The following AP3B1 variants were observed in gnomAD, a reference collection of about 807,000 sequenced individuals.
The protein encoded by AP3B1 is AP-3 complex subunit beta-1.
AP3B1 carries 61 observed loss-of-function variants against 132.5 expected under a neutral mutation model. That is an observed-to-expected ratio of 0.46 (90% CI 0.37 to 0.57). AP3B1 has a LOEUF of 0.57. AP3B1 is among the 20% of genes least tolerant of loss of function. AP3B1 has a pLI of 0.00. For missense variants in AP3B1, 1,120 were observed against 1,289.4 expected (o/e 0.87, Z 2.01); for synonymous variants, 388 against 438.3 (o/e 0.89, Z 1.43).
Position 78,011,614 on chromosome 5 carries a change from C to T in AP3B1, c.3131+3796G>A, listed in dbSNP as rs201736446. Among the ~76,000 whole-genome samples the T allele has an allele frequency of 3.9e-5, 6 of 152,078 alleles. No individual in the cohort carries two copies. The East Asian group carries it at 1.2e-3, about 29-fold the overall frequency. ...ACCTGTGCGCCTTTAATTGGCTTTT[C>T]TTAATGAGGGCCATTTTCTGTTGCT... is the stretch of plus-strand genomic sequence containing the variant. On this transcript the variant is annotated intron_variant, in intron 26 of 26. Transcript: ENST00000255194.
Position 78,181,618 on chromosome 5 carries a change from A to G in AP3B1, c.831T>C (p.Asp277=). 3 of 1,612,292 alleles carry G rather than the reference A, an allele frequency of 1.9e-6. No individual in the cohort carries two copies. The highest frequency in any genetic ancestry group is 2.2e-5 in the East Asian group (1 of 44,784). The change falls in exon 8 of 27, where the codon GAT becomes GAC. Residue 277 remains aspartate, a synonymous_variant. Transcript: ENST00000255194. ...TGTCAGTCTTTTCCTTCTGATCATC[A>G]TCAGATTCGTAGAAATTCTTTCCAT... ...EDNGKNFYES[D]DDQKEKTDKK...
At chr5:78,041,900 GC>G in intron 22 of AP3B1, 1 of 194,852 alleles carries the variant, frequency 5.1e-6, no homozygotes, top group Admixed American at 5.9e-5. Flanking sequence ...TCAGGCAGCT[GC>G]AGACTCTCCT....
chr5:78,189,258 T>A (rs749692487), intron 7 of AP3B1, among the ~76,000 whole-genome samples: 11 of 152,054 alleles, frequency 7.2e-5, no homozygotes, highest in South Asian at 2.1e-4. Context: ...TAAAAAAAAA[T>A]TTTTAAACTT....
chr5:78,177,317 T>A (rs748588273), intron 9 of AP3B1, 22 bp downstream of exon 9: 6 of 1,520,146 alleles, frequency 3.9e-6, no homozygotes, highest in Non-Finnish European at 5.5e-6. Context: ...AAAGAAAAAA[T>A]ATATATAAAA....
intron 26 of AP3B1, among the ~76,000 whole-genome samples, chr5:78,011,596 C>T (rs913893418): frequency 2.0e-5 from 3 of 152,126 alleles, no homozygotes; most frequent in South Asian, 2.1e-4. Context: ...AAAACCTGTG[C>T]GCCTTTAATT....
At chr5:78,239,493 G>T (rs1376615252) in intron 3 of AP3B1, among the ~76,000 whole-genome samples, 1 of 114,718 alleles carries the variant, frequency 8.7e-6, no homozygotes, top group African/African-American at 3.5e-5. Context: ...AAAAAAAAAA[G>T]CCAGGCACGG....
intron 1 of AP3B1, among the ~76,000 whole-genome samples, chr5:78,273,028 T>A (rs985656062): frequency 6.6e-6 from 1 of 152,132 alleles, no homozygotes; most frequent in African/African-American, 2.4e-5. Flanking sequence ...TATACACACA[T>A]ATATGTATGC....
In AP3B1 at chr5:78,015,556, A is replaced by G. The variant is rs1296777294; in HGVS notation, c.2993-8T>C. On this transcript the variant is annotated splice_region_variant and splice_polypyrimidine_tract_variant and intron_variant, in intron 25 of 26. Coordinates refer to ENST00000255194, the MANE Select transcript of AP3B1 (RefSeq NM_003664.5). Reference sequence around the variant, plus strand: ...TCATTCCTGTTAGCACTCCTGTAAAAGCAAAAGAAGGCTCCCTTTTATTAA... The same window carrying G: ...TCATTCCTGTTAGCACTCCTGTAAAGGCAAAAGAAGGCTCCCTTTTATTAA... The G allele has an allele frequency of 6.2e-7, 1 of 1,613,282 alleles. No individual in the cohort carries two copies.
At chr5:78,053,488 TG>T (rs1748669187) in intron 22 of AP3B1, among the ~76,000 whole-genome samples, 1 of 152,014 alleles carries the variant, frequency 6.6e-6, no homozygotes, top group Non-Finnish European at 1.5e-5. Flanking sequence ...GAGACCAGCC[TG>T]ACCAATATGG....
intron 22 of AP3B1, among the ~76,000 whole-genome samples, chr5:78,073,863 C>T (rs1580313085): frequency 6.6e-6 from 1 of 152,126 alleles, no homozygotes; most frequent in East Asian, 1.9e-4. Flanking sequence ...GAAGGGAAGT[C>T]GAAAGGCCTA....
intron 18 of AP3B1, among the ~76,000 whole-genome samples, chr5:78,114,827 AG>A (rs1456964381): frequency 6.6e-6 from 1 of 152,220 alleles, no homozygotes; most frequent in Non-Finnish European, 1.5e-5. Context: ...ACGGCTTACA[AG>A]GGGTACAAGC....
chr5:78,198,861 T>A (rs958212446), intron 7 of AP3B1, among the ~76,000 whole-genome samples: 1 of 152,106 alleles, frequency 6.6e-6, no homozygotes, highest in African/African-American at 2.4e-5. Context: ...TGGAAAAAAA[T>A]TCACGTTTAA....
chr5:78,115,565 A>G (rs1751789656), intron 18 of AP3B1, among the ~76,000 whole-genome samples: 1 of 152,210 alleles, frequency 6.6e-6, no homozygotes, highest in African/African-American at 2.4e-5. Context: ...TTCAATTTGC[A>G]TAGGTAAAAG....
chr5:78,221,443 ATATAAAT>A (rs1746174044), intron 6 of AP3B1, among the ~76,000 whole-genome samples: 1 of 152,098 alleles, frequency 6.6e-6, no homozygotes, highest in South Asian at 2.1e-4. Context: ...GGAAATATAA[ATATAAAT>A]TATAAATTTT....
At chr5:78,020,833 A>T in intron 24 of AP3B1, 44 bp from the exon 25 acceptor site, 1 of 1,447,570 alleles carries the variant, frequency 6.9e-7, no homozygotes, top group South Asian at 1.2e-5. Flanking sequence ...TCATAAATAA[A>T]CATTCTTAAT....
intron 24 of AP3B1, among the ~76,000 whole-genome samples, chr5:78,027,437 A>G (rs1298705314): frequency 6.6e-6 from 1 of 152,108 alleles, no homozygotes; most frequent in African/African-American, 2.4e-5. Flanking sequence ...TCAATTACAC[A>G]GAATAAAAAT....
chr5:78,197,944 G>C (rs1189458914), intron 7 of AP3B1, among the ~76,000 whole-genome samples: 2 of 152,120 alleles, frequency 1.3e-5, no homozygotes, highest in East Asian at 3.9e-4. Flanking sequence ...ACCCCATGTG[G>C]TAAACAAAGC....
At chr5:78,086,578 T>C (rs571705254) in intron 22 of AP3B1, among the ~76,000 whole-genome samples, 31 of 152,214 alleles carry the variant, frequency 2.0e-4, no homozygotes, top group Non-Finnish European at 3.2e-4. Flanking sequence ...TGCTTTGACG[T>C]TTACAACTAG....
intron 2 of AP3B1, among the ~76,000 whole-genome samples, chr5:78,260,735 A>C (rs1231592903): frequency 6.6e-6 from 1 of 152,198 alleles, no homozygotes; most frequent in Non-Finnish European, 1.5e-5. Flanking sequence ...TAAATGTCCA[A>C]AATGATTTTT....
Sources: gnomAD v4.1 joint callset for allele counts (sites outside exome capture counted in the v4.1 genomes callset) on GRCh38, gnomAD v4.1.1 for gene constraint, MANE v1.5 for transcripts, NCBI Gene and HGNC (gene_info 2026-07-23, HGNC 2026-07-21) for gene names.